PCCB: variants seen among roughly 807,000 people sequenced by gnomAD.
PCCB encodes the protein propionyl-CoA carboxylase subunit beta.
PCCB carries 43 observed loss-of-function variants against 60.7 expected under a neutral mutation model. The ratio of observed to expected loss-of-function variants is 0.71; its 90% CI spans 0.55 to 0.91. The LOEUF is 0.91. PCCB is among the 40% of genes least tolerant of loss of function. PCCB has a pLI of 0.00. For synonymous variants in PCCB, 276 were observed against 255.9 expected (o/e 1.08, Z -0.75); for missense variants, 766 against 702.8 (o/e 1.09, Z -1.02).
intron 2 of PCCB, 96 bp downstream of exon 2, chr3:136,256,071 G>A: frequency 6.4e-7 from 1 of 1,565,212 alleles, no homozygotes; most frequent in Non-Finnish European, 8.8e-7. Context: ...TTTATCTGAA[G>A]TCCTCTGCAG....
rs200865436 is a variant in PCCB, at chr3:136,297,992, G to T, written c.804G>T (p.Leu268Phe). 3.7e-6 allele frequency: 6 copies of T among 1,614,112 alleles called. No individual in the cohort carries two copies. The highest frequency in any genetic ancestry group is 3.3e-5 in the Admixed American group (2 of 60,032). The change falls in exon 8 of 15, where the codon TTG becomes TTT. Residue 268 changes from leucine to phenylalanine, a missense_variant. By Grantham distance (22) the Leu-to-Phe change is conservative (BLOSUM62 0). Transcript: ENST00000251654. The part of the protein sequence containing the change: ...HRAFENDVDA[L>F]CNLRDFFNYL... ...CTTTTGAAAATGATGTTGATGCCTT[G>T]TGTAATCTCCGGGATTTCTTCAACT...
intron 5 of PCCB, among the ~76,000 whole-genome samples, chr3:136,279,802 G>T (rs1354063663): frequency 1.3e-5 from 2 of 151,968 alleles, no homozygotes; most frequent in Non-Finnish European, 2.9e-5. Context: ...CGTGTAGCTG[G>T]GACTACAGGC....
intron 5 of PCCB, among the ~76,000 whole-genome samples, chr3:136,283,605 A>G (rs1211899957): frequency 6.6e-6 from 1 of 152,030 alleles, no homozygotes; most frequent in East Asian, 1.9e-4. Context: ...CCAGGAGGGG[A>G]GGGGAGAGAA....
intron 9 of PCCB, among the ~76,000 whole-genome samples, chr3:136,312,188 T>C (rs1934694135): frequency 6.6e-6 from 1 of 152,234 alleles, no homozygotes. Flanking sequence ...TTCTGAGAAA[T>C]GCATCATTAG....
At chr3:136,327,554 T>G (rs1935369083) in intron 12 of PCCB, 80 bp from the exon 13 acceptor site, 8 of 1,102,586 alleles carry the variant, frequency 7.3e-6, no homozygotes, top group Non-Finnish European at 1.1e-5. Context: ...TGTCCCAATT[T>G]TACCTGGTTT....
At chr3:136,264,398 T>G (rs989389192) in intron 5 of PCCB, among the ~76,000 whole-genome samples, 4 of 145,948 alleles carry the variant, frequency 2.7e-5, no homozygotes, top group South Asian at 2.2e-4. Context: ...ATGTGCGCGC[T>G]CTCGCTCTTT....
At chr3:136,300,867 G>A (rs1285754160) in intron 8 of PCCB, among the ~76,000 whole-genome samples, 163 bp from the exon 9 acceptor site, 1 of 152,172 alleles carries the variant, frequency 6.6e-6, no homozygotes, top group African/African-American at 2.4e-5. Flanking sequence ...TAATATGGTG[G>A]TTAAAAAGGA....
intron 1 of PCCB, chr3:136,251,364 G>A (rs1379328163): frequency 2.2e-6 from 1 of 455,576 alleles, no homozygotes; most frequent in Non-Finnish European, 4.4e-6. Context: ...CCGTTGTGCT[G>A]AACGAATTAA....
chr3:136,260,921 C>G (rs73222261), intron 4 of PCCB, among the ~76,000 whole-genome samples: 371 of 152,284 alleles, frequency 2.4e-3, no homozygotes, highest in Non-Finnish European at 4.2e-3. Flanking sequence ...TCTGCAACAA[C>G]TTTAATAGGA....
chr3:136,299,373 TATATGC>T (rs2108204656), intron 8 of PCCB, among the ~76,000 whole-genome samples: 1 of 152,134 alleles, frequency 6.6e-6, no homozygotes, highest in East Asian at 1.9e-4. Flanking sequence ...TGCATAGGTA[TATATGC>T]ATATGTATGT....
intron 5 of PCCB, among the ~76,000 whole-genome samples, chr3:136,263,655 T>G (rs1941892199): frequency 6.6e-6 from 1 of 152,148 alleles, no homozygotes; most frequent in Non-Finnish European, 1.5e-5. Context: ...CTTGTCATAT[T>G]GATACCTCCA....
chr3:136,313,181 C>A (rs756414373), intron 9 of PCCB, among the ~76,000 whole-genome samples: 7 of 152,172 alleles, frequency 4.6e-5, no homozygotes, highest in Non-Finnish European at 1.0e-4. Flanking sequence ...TAGCATTTGC[C>A]CTTTAACTCA....
intron 13 of PCCB, among the ~76,000 whole-genome samples, chr3:136,328,258 C>T (rs932512370): frequency 6.6e-6 from 1 of 152,184 alleles, no homozygotes; most frequent in Admixed American, 6.5e-5. Context: ...ACTTCCAGGT[C>T]CCCTAGAGTT....
At chr3:136,289,720 T>C (rs993964138) in intron 6 of PCCB, among the ~76,000 whole-genome samples, 1 of 152,134 alleles carries the variant, frequency 6.6e-6, no homozygotes, top group African/African-American at 2.4e-5. Context: ...TCTTCCACTT[T>C]TCTGCCTTTT....
chr3:136,305,774 G>A (rs1934436913), intron 9 of PCCB, among the ~76,000 whole-genome samples: 1 of 118,492 alleles, frequency 8.4e-6, no homozygotes, highest in Admixed American at 1.0e-4. Flanking sequence ...AAGAAAAAAA[G>A]TGAATATGCT....
At chr3:136,257,638 AGTTT>A (rs2108139692) in intron 3 of PCCB, among the ~76,000 whole-genome samples, 1 of 152,312 alleles carries the variant, frequency 6.6e-6, no homozygotes, top group Non-Finnish European at 1.5e-5. Flanking sequence ...ACAGACCTAA[AGTTT>A]GATATTAAAA....
At chr3:136,297,019 C>T (rs546361555) in intron 7 of PCCB, among the ~76,000 whole-genome samples, 2 of 152,110 alleles carry the variant, frequency 1.3e-5, no homozygotes, top group East Asian at 1.9e-4. Flanking sequence ...GAAGGCAATA[C>T]GTGCTATGGA....
chr3:136,308,253 A>G (rs1240034558), intron 9 of PCCB, among the ~76,000 whole-genome samples: 2 of 68,194 alleles, frequency 2.9e-5, no homozygotes, highest in Non-Finnish European at 5.8e-5. Context: ...TTTTTTTTTG[A>G]TATGGAGTCT....
At chr3:136,273,598 T>TTTTTTTTTTTTTTTTTTTTTC (rs1942261116) in intron 5 of PCCB, among the ~76,000 whole-genome samples, 1 of 62,272 alleles carries the variant, frequency 1.6e-5, no homozygotes, top group Non-Finnish European at 3.7e-5. Flanking sequence ...TTCTTTTTTC[T>TTTTTTTTTTTTTTTTTTTTTC]TTTTTTTTTT....
Sources: allele counts gnomAD v4.1 joint callset (sites outside exome capture counted in the v4.1 genomes callset), GRCh38; gene constraint gnomAD v4.1.1; transcripts MANE v1.5; gene names NCBI Gene and HGNC (gene_info 2026-07-23, HGNC 2026-07-21).